TBC1D4: variants seen among roughly 807,000 people sequenced by gnomAD.
TBC1D4 encodes the protein TBC (Tre-2, BUB2, CDC16) domain-containing protein.
A neutral mutation model predicts 142.5 loss-of-function variants in TBC1D4; 121 were observed. The ratio of observed to expected loss-of-function variants is 0.85; its 90% CI spans 0.73 to 0.99. The LOEUF (loss-of-function observed/expected upper bound fraction) is 0.99. Ranked by LOEUF, TBC1D4 falls within the 50% of genes least tolerant of loss-of-function variation. The pLI is 0.00. For missense variants in TBC1D4, 1,475 were observed against 1,606.6 expected (o/e 0.92, Z 1.40); for synonymous variants, 630 against 628.2 (o/e 1.00, Z -0.04).
intron 5 of TBC1D4, among the ~76,000 whole-genome samples, chr13:75,348,453 G>A (rs577863185): frequency 2.6e-5 from 4 of 152,260 alleles, no homozygotes; most frequent in Admixed American, 1.3e-4. Context: ...ATCCCCCAGT[G>A]CCTAGCACAT....
At position 75,427,190 on chromosome 13, in the gene TBC1D4, C is replaced by T. The variant is rs538957821; in HGVS notation, c.498+54080G>A. ...GCAAGCTCCGCCTCCCAGGTTCACA[C>T]CATTCTCCTGCCTCAGCCTCCCGAG... On this transcript the variant is annotated intron_variant, in intron 1 of 20. Transcript: ENST00000377636. 5.0e-3 allele frequency among the ~76,000 whole-genome samples: 762 copies of T among 152,070 alleles called. 9 individuals are homozygous for T. The highest frequency in any genetic ancestry group is 0.016 in the African/African-American group (678 of 41,462).
intron 5 of TBC1D4, among the ~76,000 whole-genome samples, chr13:75,345,298 G>C (rs73220099): frequency 6.6e-6 from 1 of 152,128 alleles, no homozygotes; most frequent in African/African-American, 2.4e-5. Flanking sequence ...GGCCTACAGA[G>C]GATCTGCCTT....
At chr13:75,311,227 G>A (rs1437036589) in intron 13 of TBC1D4, among the ~76,000 whole-genome samples, 3 of 152,152 alleles carry the variant, frequency 2.0e-5, no homozygotes, top group Non-Finnish European at 4.4e-5. Context: ...TCATCATGCT[G>A]AATTTCTCAT....
chr13:75,407,114 A>G (rs1286114255), intron 1 of TBC1D4, among the ~76,000 whole-genome samples: 1 of 152,136 alleles, frequency 6.6e-6, no homozygotes, highest in African/African-American at 2.4e-5. Flanking sequence ...CCCCTCAATG[A>G]CCATACTGGT....
At chr13:75,369,051 A>G (rs9543911) in intron 1 of TBC1D4, among the ~76,000 whole-genome samples, 151,644 of 152,196 alleles carry the variant, frequency 1, 75,549 homozygotes, top group Middle Eastern at 1. Flanking sequence ...CTCAAAAAAA[A>G]AAGAGAGAAA....
In TBC1D4 at chr13:75,310,048, C is replaced by T. The variant is rs1320488501; in HGVS notation, c.2487G>A (p.Lys829=). 1 of 1,613,996 alleles carries T rather than the reference C, an allele frequency of 6.2e-7. No homozygotes were observed. The highest frequency in any genetic ancestry group is 8.5e-7 in the Non-Finnish European group (1 of 1,180,012). Residue 829 remains lysine, a synonymous_variant, in exon 14 of 21, where the codon AAG becomes AAA. Transcript: ENST00000377636. ...VFLSGEDDPE[K]IEERKKSKEL... Reference sequence around the variant, plus strand: ...CTTTTGATTTCTTTCTTTCTTCAATCTTTTCTGGGTCATCCTCCCCAGACA... The same window carrying T: ...CTTTTGATTTCTTTCTTTCTTCAATTTTTTCTGGGTCATCCTCCCCAGACA...
chr13:75,421,809 T>TA (rs1042398842), intron 1 of TBC1D4, among the ~76,000 whole-genome samples: 1 of 152,196 alleles, frequency 6.6e-6, no homozygotes, highest in Non-Finnish European at 1.5e-5. Context: ...TCCAAATCTA[T>TA]AAAAAATACT....
At chr13:75,471,757 A>C (rs1327842303) in intron 1 of TBC1D4, among the ~76,000 whole-genome samples, 2 of 151,642 alleles carry the variant, frequency 1.3e-5, no homozygotes, top group Non-Finnish European at 2.9e-5. Flanking sequence ...AAAAAGAAAG[A>C]AACTAGACAA....
At chr13:75,333,977 G>T (rs1879978557) in intron 8 of TBC1D4, among the ~76,000 whole-genome samples, 1 of 152,140 alleles carries the variant, frequency 6.6e-6, no homozygotes, top group Non-Finnish European at 1.5e-5. Flanking sequence ...TTCATATCAG[G>T]TGGCACAGGG....
intron 6 of TBC1D4, 130 bp from the exon 7 acceptor site, chr13:75,341,365 T>TA: frequency 8.0e-7 from 1 of 1,243,112 alleles, no homozygotes; most frequent in Non-Finnish European, 1.2e-6. Flanking sequence ...AATGGCATTC[T>TA]ATTCTATCCA....
At chr13:75,288,258 G>GC (rs1874897939) in intron 20 of TBC1D4, among the ~76,000 whole-genome samples, 1 of 151,720 alleles carries the variant, frequency 6.6e-6, no homozygotes, top group Non-Finnish European at 1.5e-5. Flanking sequence ...CTCATCATCC[G>GC]CAACAGATTT....
At chr13:75,438,744 G>C (rs141387766) in intron 1 of TBC1D4, among the ~76,000 whole-genome samples, 1 of 152,074 alleles carries the variant, frequency 6.6e-6, no homozygotes, top group Non-Finnish European at 1.5e-5. Context: ...TAGATAAACA[G>C]GCTACAAGTC....
intron 2 of TBC1D4, 22 bp from the exon 3 acceptor site, chr13:75,359,880 A>G: frequency 6.4e-7 from 1 of 1,565,942 alleles, no homozygotes; most frequent in Non-Finnish European, 8.8e-7. Context: ...AAGCATTCCA[A>G]TTAATTTCAA....
chr13:75,378,318 C>G (rs116172910), intron 1 of TBC1D4, among the ~76,000 whole-genome samples: 1 of 152,070 alleles, frequency 6.6e-6, no homozygotes, highest in African/African-American at 2.4e-5. Context: ...GAAAAAAATA[C>G]AAAAATCACC....
intron 1 of TBC1D4, among the ~76,000 whole-genome samples, chr13:75,432,374 T>G (rs1011181512): frequency 6.6e-6 from 1 of 152,166 alleles, no homozygotes; most frequent in Non-Finnish European, 1.5e-5. Context: ...GAGGCAGCAG[T>G]TTTCTGTAGC....
intron 18 of TBC1D4, among the ~76,000 whole-genome samples, chr13:75,293,586 C>T (rs1875565819): frequency 6.6e-6 from 1 of 152,072 alleles, no homozygotes; most frequent in South Asian, 2.1e-4. Flanking sequence ...TAATAGGAAC[C>T]CAAGCTCCAG....
At chr13:75,356,304 A>G in intron 3 of TBC1D4, 53 bp from the exon 4 acceptor site, 2 of 1,259,262 alleles carry the variant, frequency 1.6e-6, no homozygotes, top group Admixed American at 1.8e-5. Flanking sequence ...TATATTTTTT[A>G]CTCAACAATA....
chr13:75,406,279 C>T (rs1438238516), intron 1 of TBC1D4, among the ~76,000 whole-genome samples: 1 of 152,188 alleles, frequency 6.6e-6, no homozygotes, highest in East Asian at 1.9e-4. Context: ...CACTGGATTC[C>T]TTATAATTCT....
At chr13:75,367,107 G>T in intron 1 of TBC1D4, 1 of 310,766 alleles carries the variant, frequency 3.2e-6, no homozygotes, top group Non-Finnish European at 4.7e-6. Flanking sequence ...AACCATTATT[G>T]CTTCAAAAGT....
Sources: gnomAD v4.1 joint callset for allele counts (sites outside exome capture counted in the v4.1 genomes callset) on GRCh38, gnomAD v4.1.1 for gene constraint, MANE v1.5 for transcripts, NCBI Gene and HGNC (gene_info 2026-07-23, HGNC 2026-07-21) for gene names.